The following VWDE variants were observed in gnomAD, a reference collection of about 807,000 sequenced individuals.
VWDE encodes the protein von Willebrand factor D and EGF domain-containing protein.
A neutral mutation model predicts 178.4 loss-of-function variants in VWDE; 207 were observed. That is an observed-to-expected ratio of 1.16 (90% CI 1.04 to 1.30). The LOEUF is 1.30. Ranked by LOEUF, VWDE falls within the 50% of genes most tolerant of loss-of-function variation. The probability of loss-of-function intolerance (pLI) is 0.00; values close to 1 mark genes in which losing one functional copy is unlikely to be tolerated. For synonymous variants in VWDE, 738 were observed against 651.4 expected (o/e 1.13, Z -2.02); for missense variants, 2,287 against 1,901.3 (o/e 1.20, Z -3.77).
At position 12,344,380 on chromosome 7, in the gene VWDE, G is replaced by T. The variant is rs756760186; in HGVS notation, c.3976C>A (p.Gln1326Lys). ...AATGAATGATGTTACCTACCAGTTTGGCAGTTAGAACCAATGTAACCAGGT... is the reference window on the plus strand; with the variant it reads ...AATGAATGATGTTACCTACCAGTTTTGCAGTTAGAACCAATGTAACCAGGT... The part of the protein sequence containing the change: ...CKPGYIGSNC[Q>K]TALCDPDCKN... Residue 1326 changes from glutamine to lysine, a missense_variant, in exon 20 of 29, where the codon CAA becomes AAA. Coordinates refer to ENST00000275358, the MANE Select transcript of VWDE (RefSeq NM_001135924.3). 2.6e-6 allele frequency: 4 copies of T among 1,550,590 alleles called. No homozygotes were observed. The highest frequency in any genetic ancestry group is 3.5e-6 in the Non-Finnish European group (4 of 1,146,462).
chr7:12,333,739 C>A, intron 27 of VWDE, 171 bp from the exon 28 acceptor site: 1 of 427,224 alleles, frequency 2.3e-6, no homozygotes, highest in South Asian at 7.0e-5. Flanking sequence ...TCTTTCAGAG[C>A]ACACGCACAC....
At chr7:12,379,440 G>T in intron 6 of VWDE, 37 bp downstream of exon 6, 1 of 1,427,034 alleles carries the variant, frequency 7.0e-7, no homozygotes, top group Non-Finnish European at 9.6e-7. Flanking sequence ...TAGTTCCAGA[G>T]GAATAATCTT....
chr7:12,355,748 T>G (rs916160300), intron 18 of VWDE, among the ~76,000 whole-genome samples: 3 of 152,176 alleles, frequency 2.0e-5, no homozygotes, highest in Admixed American at 1.3e-4. Flanking sequence ...AAACCTCTCT[T>G]AAGTGATAAC....
chr7:12,363,770 A>G (rs1332351871), intron 13 of VWDE, among the ~76,000 whole-genome samples: 2 of 152,062 alleles, frequency 1.3e-5, no homozygotes, highest in African/African-American at 4.8e-5. Context: ...TTAGAACTAT[A>G]ATATTTCATA....
rs1176177724 is a variant in VWDE at position 12,380,538 on chromosome 7, T to C, written c.737A>G (p.Gln246Arg). The change falls in exon 5 of 29, where the codon CAG becomes CGG. Residue 246 changes from glutamine to arginine, a missense_variant. Gln to Arg is a conservative substitution (Grantham distance 43, BLOSUM62 1). Transcript: ENST00000275358. ...KEELTQETTV[Q>R]AFSLLELDGI... is the part of the protein sequence containing the mutation. ...ATCAAGTTCTAAAAGAGAGAATGCCTGAACTGTGGTCTCTTGTGTCAGCTC... is the reference window on the plus strand; with the variant it reads ...ATCAAGTTCTAAAAGAGAGAATGCCCGAACTGTGGTCTCTTGTGTCAGCTC... 2 of 1,551,916 alleles carry C rather than the reference T, an allele frequency of 1.3e-6. No homozygotes were observed. The highest frequency in any genetic ancestry group is 2.4e-5 in the East Asian group (1 of 40,922).
chr7:12,333,558 G>T lies in VWDE; in HGVS notation c.4665C>A (p.Asn1555Lys). 1.3e-6 allele frequency: 2 copies of T among 1,550,224 alleles called. No homozygotes were observed. Among genetic ancestry groups the T allele is most frequent in the Non-Finnish European group, 1.7e-6 (2 of 1,145,872 alleles). Reference sequence around the variant, plus strand: ...ATCTGCCTCCATAAAGACATTTTGGGTTGCAAATTGCTGCAATACACAAAT... The same window carrying T: ...ATCTGCCTCCATAAAGACATTTTGGTTTGCAAATTGCTGCAATACACAAAT... ...EGVRCQIPIC[N>K]PKCLYGGRCI... The change falls in exon 28 of 29, where the codon AAC becomes AAA. Residue 1555 changes from asparagine (N) to lysine (K), a missense_variant. Coordinates refer to ENST00000275358, the MANE Select transcript of VWDE (RefSeq NM_001135924.3).
At chr7:12,388,679 T>G in intron 3 of VWDE, 1 of 250,864 alleles carries the variant, frequency 4.0e-6, no homozygotes, top group East Asian at 9.7e-5. Context: ...GAGATCTCAT[T>G]TATCTTGCTC....
chr7:12,351,551 T>C, intron 19 of VWDE, 22 bp downstream of exon 19: 1 of 1,529,704 alleles, frequency 6.5e-7, no homozygotes, highest in Non-Finnish European at 8.8e-7. Context: ...GTCATTAGAT[T>C]TTAACTATGA....
intron 28 of VWDE, among the ~76,000 whole-genome samples, chr7:12,333,010 C>A (rs1026655637): frequency 6.6e-6 from 1 of 152,032 alleles, no homozygotes; most frequent in African/African-American, 2.4e-5. Flanking sequence ...TTAGAACTAC[C>A]CTTGTGTGTA....
intron 23 of VWDE, among the ~76,000 whole-genome samples, chr7:12,341,635 G>A (rs201604292): frequency 6.1e-5 from 9 of 148,076 alleles, no homozygotes; most frequent in African/African-American, 7.4e-5. Context: ...CTGTCTAAAT[G>A]AAAAAAAAAA....
intron 1 of VWDE, among the ~76,000 whole-genome samples, chr7:12,395,113 C>G (rs1784563738): frequency 6.6e-6 from 1 of 152,086 alleles, no homozygotes; most frequent in Non-Finnish European, 1.5e-5. Context: ...GAAGTCAACA[C>G]AAAAGGCTCC....
rs764170691 is a variant in VWDE at position 12,367,432 on chromosome 7, A to G, written c.2823T>C (p.Asn941=). The G allele has an allele frequency of 1.3e-6, 2 of 1,546,698 alleles. No individual in the cohort carries two copies. The highest frequency in any genetic ancestry group is 1.2e-5 in the South Asian group (1 of 83,298). ...NAGFCDVQKY[N]CMMVRVFGKG... Reference sequence around the variant, plus strand: ...TGCCAAAAACTCTCACCATCATACAATTATATTTTTGAACATCACAGAATC... The same window carrying G: ...TGCCAAAAACTCTCACCATCATACAGTTATATTTTTGAACATCACAGAATC... Residue 941 remains asparagine (N), a synonymous_variant, in exon 13 of 29, where the codon AAT becomes AAC. Transcript: ENST00000275358.
At chr7:12,384,550 C>G (rs1208566461) in intron 3 of VWDE, among the ~76,000 whole-genome samples, 1 of 152,020 alleles carries the variant, frequency 6.6e-6, no homozygotes, top group Non-Finnish European at 1.5e-5. Flanking sequence ...AAATGTAGCA[C>G]TCTGGTGGGG....
intron 28 of VWDE, 80 bp downstream of exon 28, chr7:12,333,381 CATTA>C (rs920631324): frequency 2.6e-6 from 2 of 782,550 alleles, no homozygotes; most frequent in Middle Eastern, 2.6e-4. Context: ...AATAAAAAAA[CATTA>C]ATTAGTAACA....
At chr7:12,371,763 T>A (rs62448569) in intron 10 of VWDE, among the ~76,000 whole-genome samples, 45,259 of 151,806 alleles carry the variant, frequency 0.3, 7,610 homozygotes, top group African/African-American at 0.46. Flanking sequence ...ATAAACACAC[T>A]CACCTACTCC....
chr7:12,335,052 A>G (rs1780939379), intron 27 of VWDE, among the ~76,000 whole-genome samples: 1 of 152,210 alleles, frequency 6.6e-6, no homozygotes, highest in African/African-American at 2.4e-5. Context: ...AACTACATGC[A>G]AAATTTCTGA....
rs1403378704 is a variant in VWDE at position 12,379,515 on chromosome 7, C to T, written c.841G>A (p.Val281Ile). 5.8e-6 allele frequency: 9 copies of T among 1,550,424 alleles called. No homozygotes were observed. The highest frequency in any genetic ancestry group is 8.7e-7 in the Non-Finnish European group (1 of 1,146,388). The change falls in exon 6 of 29, where the codon GTA becomes ATA. Residue 281 changes from valine to isoleucine, a missense_variant. By Grantham distance (29) the Val-to-Ile change is conservative. Transcript: ENST00000275358. ...AAAAATTCTTGGCTTTCGATGGCTA[C>T]ACTTTGTACATGAGGATTCTCCAAG... ...FFLENPHVQS[V>I]AIESQEFFAG... is the part of the protein sequence containing the mutation.
intron 19 of VWDE, among the ~76,000 whole-genome samples, chr7:12,345,414 A>C (rs1391197049): frequency 1.3e-5 from 2 of 152,148 alleles, no homozygotes; most frequent in Non-Finnish European, 2.9e-5. Flanking sequence ...TACCATCTCC[A>C]TAATACCCAA....
At chr7:12,398,225 A>T (rs991658049) in intron 1 of VWDE, among the ~76,000 whole-genome samples, 2 of 152,168 alleles carry the variant, frequency 1.3e-5, no homozygotes, top group Non-Finnish European at 2.9e-5. Flanking sequence ...CAATTGTCCC[A>T]CAGAACTGAT....
Sources: allele counts gnomAD v4.1 joint callset (sites outside exome capture counted in the v4.1 genomes callset), GRCh38; gene constraint gnomAD v4.1.1; transcripts MANE v1.5; gene names NCBI Gene and HGNC (gene_info 2026-07-23, HGNC 2026-07-21).